NUP188: variants seen among roughly 807,000 people sequenced by gnomAD.
NUP188 encodes the protein nucleoporin 188.
A neutral mutation model predicts 223.0 loss-of-function variants in NUP188; 97 were observed. The observed-to-expected ratio is 0.43, with a 90% CI of 0.37 to 0.51. The LOEUF (loss-of-function observed/expected upper bound fraction) is 0.51. NUP188 is among the 20% of genes least tolerant of loss of function. The pLI is 0.00. For missense variants in NUP188, 1,947 were observed against 2,175.6 expected, an observed-to-expected ratio of 0.89 and a Z score of 2.09; for synonymous variants, 869 against 828.0, an observed-to-expected ratio of 1.05 and a Z score of -0.85.
chr9:128,954,517 A>G (rs186751202), intron 3 of NUP188, among the ~76,000 whole-genome samples: 3,005 of 146,120 alleles, frequency 0.021, 108 homozygotes, highest in African/African-American at 0.072. Flanking sequence ...CCCGAGTAGC[A>G]GGGACTACAG....
rs1161488743 is a variant in NUP188 at position 128,984,963 on chromosome 9, C to T, written c.2025C>T (p.Gly675=). The stretch of plus-strand genomic sequence containing the variant: ...TGATGAACAGTGAACAGCCTCAGGG[C>T]GAGTATGGGGTTACTATTGCCTTTC... ...NLLMNSEQPQ[G]EYGVTIAFLR... Residue 675 remains glycine, a synonymous_variant, in exon 20 of 44, where the codon GGC becomes GGT. Transcript: ENST00000372577. 3 of 1,613,678 alleles carry T rather than the reference C, an allele frequency of 1.9e-6. No homozygotes were observed. The highest frequency in any genetic ancestry group is 2.5e-6 in the Non-Finnish European group (3 of 1,179,826).
In NUP188 at chr9:129,005,674, G is replaced by A. The variant is rs774643759; in HGVS notation, c.4767G>A (p.Leu1589=). Residue 1589 remains leucine (L), a synonymous_variant, in exon 41 of 44, where the codon CTG becomes CTA. Coordinates refer to ENST00000372577, the MANE Select transcript of NUP188 (RefSeq NM_015354.3). ...QSLDLAEYNF[L]FALSFTTPTF... ...TGGACCTTGCTGAATACAACTTCCT[G>A]TTTGCCCTGAGCTTTACCACTCCCA... The A allele has an allele frequency of 1.2e-6, 2 of 1,613,890 alleles. No individual in the cohort carries two copies. The highest frequency in any genetic ancestry group is 4.5e-5 in the East Asian group (2 of 44,900).
chr9:128,948,417 T>A (rs1459950954), intron 1 of NUP188: 1 of 152,216 alleles, frequency 6.6e-6, no homozygotes, highest in Non-Finnish European at 1.5e-5. Flanking sequence ...CAAAGTGCTT[T>A]CTAGCGTCAG....
At chr9:128,967,297 C>T (rs1256621325) in intron 8 of NUP188, among the ~76,000 whole-genome samples, 2 of 152,154 alleles carry the variant, frequency 1.3e-5, no homozygotes, top group South Asian at 2.1e-4. Context: ...GGCTTATAGA[C>T]GTGAGCCACC....
intron 18 of NUP188, 26 bp from the exon 19 acceptor site, chr9:128,983,448 A>C: frequency 6.2e-7 from 1 of 1,613,324 alleles, no homozygotes; most frequent in South Asian, 1.1e-5. Flanking sequence ...ATATGTGGGC[A>C]TTTAACTCTT....
rs1842072751 is a variant in NUP188 at position 128,969,286 on chromosome 9, A to G, written c.798-114A>G. On this transcript the variant is annotated intron_variant, in intron 9 of 43. Coordinates refer to ENST00000372577, the MANE Select transcript of NUP188 (RefSeq NM_015354.3). ...AGTGTTAGGATTATAGGCGTTAGCC[A>G]CTATGCCTGGCCCAATAGGTTTTTT... 3.2e-5 allele frequency: 21 copies of G among 653,008 alleles called. No homozygotes were observed. In the South Asian group the frequency reaches 4.0e-4, roughly 12 times the overall value. The allele number at this position is 653,008 out of a possible 1,614,324, so 40.5% of individuals were successfully genotyped here.
chr9:129,006,115 G>T lies in NUP188; in HGVS notation c.4935G>T (p.Arg1645Ser). 6.8e-6 allele frequency: 11 copies of T among 1,614,148 alleles called. No homozygotes were observed. Among genetic ancestry groups the T allele is most frequent in the Non-Finnish European group, 8.5e-6 (10 of 1,180,024 alleles). ...TCAGCACACAGGCAGAAGGGACCAG[G>T]ACGTTAAAGTAAGTGCTCTTTCTGG... ...VGLSTQAEGTRTLKSLLMFTM... is the reference protein window; with the variant it reads ...VGLSTQAEGTSTLKSLLMFTM... Residue 1645 changes from arginine to serine, a missense_variant, in exon 42 of 44, where the codon AGG becomes AGT. By Grantham distance (110) the Arg-to-Ser change is moderately radical. Coordinates refer to ENST00000372577, the MANE Select transcript of NUP188 (RefSeq NM_015354.3).
chr9:128,959,679 C>A (rs571333772), intron 8 of NUP188, among the ~76,000 whole-genome samples: 1 of 151,402 alleles, frequency 6.6e-6, no homozygotes, highest in East Asian at 2.0e-4. Flanking sequence ...ATTACAGGCA[C>A]CTGCCACCAC....
intron 2 of NUP188, among the ~76,000 whole-genome samples, chr9:128,949,731 C>T (rs546465215): frequency 2.6e-5 from 4 of 151,966 alleles, no homozygotes; most frequent in African/African-American, 7.2e-5. Context: ...CGAGTTCAAG[C>T]GATTTTCCTG....
intron 25 of NUP188, 55 bp downstream of exon 25, chr9:128,990,281 C>T: frequency 7.1e-7 from 1 of 1,404,678 alleles, no homozygotes. Context: ...TTTTTTCCCC[C>T]TGATTACAAA....
At chr9:128,961,374 T>C (rs1257764452) in intron 8 of NUP188, among the ~76,000 whole-genome samples, 2 of 151,064 alleles carry the variant, frequency 1.3e-5, no homozygotes, top group African/African-American at 2.4e-5. Context: ...TAGCTGAGCG[T>C]GGTGGCACGT....
In NUP188 at chr9:128,968,597, A is replaced by G; in HGVS notation, c.677A>G (p.Glu226Gly). 6.2e-7 allele frequency: 1 copy of G among 1,614,078 alleles called. No homozygotes were observed. Among genetic ancestry groups the G allele is most frequent in the Non-Finnish European group, 8.5e-7 (1 of 1,179,948 alleles). Reference protein sequence around the residue: ...EIIFLYYAYFEMAPSDLLVLT... With the variant: ...EIIFLYYAYFGMAPSDLLVLT... ...ATTTTCCTTTATTATGCATACTTTG[A>G]GATGGCACCCAGTGACTTACTTGTA... The change falls in exon 9 of 44, where the codon GAG (glutamate) becomes GGG (glycine). Residue 226 changes from glutamate (E) to glycine (G), a missense_variant. Transcript: ENST00000372577.
intron 38 of NUP188, 145 bp downstream of exon 38, chr9:129,003,599 T>C (rs1252458893): frequency 1.0e-6 from 1 of 956,486 alleles, no homozygotes; most frequent in Non-Finnish European, 1.7e-6. Context: ...TTTGCTGTCA[T>C]GTGCTTACTC....
chr9:128,984,833 C>G, intron 19 of NUP188, 67 bp from the exon 20 acceptor site: 2 of 1,044,442 alleles, frequency 1.9e-6, no homozygotes, highest in Non-Finnish European at 2.9e-6. Context: ...CAAGAATGCT[C>G]TATGATTAGT....
chr9:128,991,206 C>CA (rs1842423102), intron 25 of NUP188, among the ~76,000 whole-genome samples: 1 of 147,112 alleles, frequency 6.8e-6, no homozygotes, highest in Non-Finnish European at 1.5e-5. Flanking sequence ...GCTATGTCTC[C>CA]AAGGCTGTGC....
At chr9:128,983,976 A>G (rs1231847559) in intron 19 of NUP188, among the ~76,000 whole-genome samples, 1 of 151,842 alleles carries the variant, frequency 6.6e-6, no homozygotes, top group Non-Finnish European at 1.5e-5. Flanking sequence ...GTGCGGCACC[A>G]CGCCCGGCTA....
chr9:128,984,870 C>T (rs761293237), intron 19 of NUP188, 30 bp from the exon 20 acceptor site: 1 of 1,458,652 alleles, frequency 6.9e-7, no homozygotes, highest in African/African-American at 1.4e-5. Flanking sequence ...ATTTCCCTAT[C>T]ATTTTTTTTC....
At position 128,998,152 on chromosome 9, in the gene NUP188, C is replaced by T. The variant is rs1294167025; in HGVS notation, c.3353C>T (p.Ala1118Val). ...RMLLIIATTH[A>V]DIMHLTDSVV... Reference sequence around the variant, plus strand: ...AAACCTTTTTCTGTTCCTTTGCAGGCAGATATAATGCACCTGACTGACTCT... The same window carrying T: ...AAACCTTTTTCTGTTCCTTTGCAGGTAGATATAATGCACCTGACTGACTCT... Residue 1118 changes from alanine to valine, a missense_variant and splice_region_variant, in exon 31 of 44, where the codon GCA (alanine) becomes GTA (valine). This residue lies in a region of NUP188 where 905 missense variants were observed against 990.6 expected (regional missense o/e 0.91). Coordinates refer to ENST00000372577, the MANE Select transcript of NUP188 (RefSeq NM_015354.3). The T allele has an allele frequency of 6.2e-7, 1 of 1,612,888 alleles. No homozygotes were observed. The highest frequency in any genetic ancestry group is 8.5e-7 in the Non-Finnish European group (1 of 1,178,980).
intron 14 of NUP188, 119 bp downstream of exon 14, chr9:128,980,844 G>T: frequency 1.0e-6 from 1 of 983,762 alleles, no homozygotes; most frequent in Non-Finnish European, 1.5e-6. Flanking sequence ...TTGTCTGAAG[G>T]TGAATGAAAG....
Sources: allele counts gnomAD v4.1 joint callset (sites outside exome capture counted in the v4.1 genomes callset), GRCh38; gene constraint gnomAD v4.1.1; regional missense constraint gnomAD v4.1.1; transcripts MANE v1.5; gene names NCBI Gene and HGNC (gene_info 2026-07-23, HGNC 2026-07-21).